CSMD1: variants seen among roughly 807,000 people sequenced by gnomAD.
CSMD1 encodes the protein CUB and Sushi multiple domains 1.
A neutral mutation model predicts 417.5 loss-of-function variants in CSMD1; 213 were observed. The observed-to-expected ratio is 0.51, with a 90% confidence interval of 0.46 to 0.57. The LOEUF is 0.57. CSMD1 is among the 20% of genes least tolerant of loss of function. The pLI is 0.00. For missense variants in CSMD1, 6,923 were observed against 4,529.7 expected (o/e 1.53, Z -15.17); for synonymous variants, 2,862 against 1,736.8 (o/e 1.65, Z -16.11).
chr8:3,913,894 T>C (rs1335819540), intron 5 of CSMD1, among the ~76,000 whole-genome samples: 1 of 152,214 alleles, frequency 6.6e-6, no homozygotes, highest in Admixed American at 6.5e-5. Context: ...CGACTGTTTT[T>C]TGTCCAGCTG....
intron 3 of CSMD1, among the ~76,000 whole-genome samples, chr8:4,387,094 T>C (rs1214612520): frequency 1.3e-5 from 2 of 152,144 alleles, no homozygotes; most frequent in Non-Finnish European, 2.9e-5. Flanking sequence ...AGCCAATTAA[T>C]AGAGTTAGGA....
chr8:3,931,077 G>T (rs2930336), intron 5 of CSMD1, among the ~76,000 whole-genome samples: 56,538 of 149,964 alleles, frequency 0.38, 12,962 homozygotes, highest in Admixed American at 0.45. Context: ...TTTTAAAAAT[G>T]TGACATCTTT....
At chr8:3,412,834 G>A (rs940109158) in intron 12 of CSMD1, among the ~76,000 whole-genome samples, 18 of 152,246 alleles carry the variant, frequency 1.2e-4, no homozygotes, top group African/African-American at 4.1e-4. Flanking sequence ...TGCCTTGAAT[G>A]AGCGTCTGTC....
intron 1 of CSMD1, among the ~76,000 whole-genome samples, chr8:4,944,883 T>C (rs1437695849): frequency 1.3e-5 from 2 of 152,066 alleles, no homozygotes; most frequent in African/African-American, 2.4e-5. Context: ...TGCCATATAA[T>C]AGAGGAATCC....
intron 12 of CSMD1, among the ~76,000 whole-genome samples, chr8:3,464,399 T>G (rs931280807): frequency 3.9e-5 from 6 of 152,232 alleles, no homozygotes; most frequent in Admixed American, 3.3e-4. Flanking sequence ...CAACTTTCAA[T>G]TGAGCATAGG....
At chr8:3,925,934 C>T (rs758508457) in intron 5 of CSMD1, among the ~76,000 whole-genome samples, 1 of 151,442 alleles carries the variant, frequency 6.6e-6, no homozygotes, top group South Asian at 2.1e-4. Flanking sequence ...GGTACAGCAG[C>T]CAAGCAGTAA....
chr8:4,767,433 C>A (rs1319606431), intron 1 of CSMD1, among the ~76,000 whole-genome samples: 1 of 152,138 alleles, frequency 6.6e-6, no homozygotes, highest in Non-Finnish European at 1.5e-5. Context: ...AAAACATCAT[C>A]CTGACCAATC....
chr8:3,051,281 A>T (rs1371050561), intron 50 of CSMD1, among the ~76,000 whole-genome samples: 1 of 152,252 alleles, frequency 6.6e-6, no homozygotes, highest in African/African-American at 2.4e-5. Context: ...AAACAGTGAG[A>T]TCATGTCCTT....
intron 8 of CSMD1, among the ~76,000 whole-genome samples, chr8:3,590,295 G>A (rs1308710609): frequency 6.6e-6 from 1 of 151,952 alleles, no homozygotes; most frequent in Non-Finnish European, 1.5e-5. Flanking sequence ...ATTTTTTCCT[G>A]ATTCTATTAC....
intron 2 of CSMD1, among the ~76,000 whole-genome samples, chr8:4,459,955 C>T (rs1799709965): frequency 6.6e-6 from 1 of 152,038 alleles, no homozygotes; most frequent in Non-Finnish European, 1.5e-5. Context: ...CATAGAGGAA[C>T]AGAACAATCT....
rs760381125 is a variant in CSMD1 at position 3,359,351 on chromosome 8, C to T, written c.3116-11G>A. 6.2e-6 allele frequency: 10 copies of T among 1,606,616 alleles called. No homozygotes were observed. The East Asian group carries it at 1.3e-4, about 22-fold the overall frequency. The stretch of plus-strand genomic sequence containing the variant: ...GCTCCAGGTCATATTCTGAGGCATG[C>T]AGAGACAGAGTAAATGCATGAGGAT... On this transcript the variant is annotated splice_polypyrimidine_tract_variant and intron_variant, in intron 20 of 69. Transcript: ENST00000635120.
intron 7 of CSMD1, among the ~76,000 whole-genome samples, chr8:3,698,046 T>A (rs1274834479): frequency 6.6e-6 from 1 of 152,142 alleles, no homozygotes; most frequent in Non-Finnish European, 1.5e-5. Context: ...ATAGATCCTT[T>A]TTTTCTGTTT....
chr8:3,900,225 T>G (rs1807643046), intron 5 of CSMD1, among the ~76,000 whole-genome samples: 1 of 150,864 alleles, frequency 6.6e-6, no homozygotes, highest in South Asian at 2.1e-4. Context: ...TGGGTGACAG[T>G]GTTAACAGTG....
intron 5 of CSMD1, among the ~76,000 whole-genome samples, chr8:3,921,771 T>A (rs543268197): frequency 6.6e-6 from 1 of 152,174 alleles, no homozygotes; most frequent in Non-Finnish European, 1.5e-5. Context: ...GCAATCTTCT[T>A]TGATTTGTTA....
intron 1 of CSMD1, among the ~76,000 whole-genome samples, chr8:4,750,082 C>G (rs13248878): frequency 3.9e-5 from 6 of 151,900 alleles, no homozygotes; most frequent in East Asian, 3.9e-4. Context: ...CTCGGCTCAC[C>G]GCAAGCTCCG....
At chr8:4,763,514 G>A (rs914020459) in intron 1 of CSMD1, among the ~76,000 whole-genome samples, 1 of 152,072 alleles carries the variant, frequency 6.6e-6, no homozygotes, top group African/African-American at 2.4e-5. Context: ...TTCTTATAAT[G>A]TATCAACCAT....
chr8:4,384,053 G>A (rs1416332566), intron 3 of CSMD1, among the ~76,000 whole-genome samples: 1 of 42,896 alleles, frequency 2.3e-5, no homozygotes, highest in Non-Finnish European at 4.7e-5. Context: ...CTTGTTCAGT[G>A]TTGTTTTTTT....
intron 22 of CSMD1, 147 bp from the exon 23 acceptor site, chr8:3,343,597 T>G (rs1389574325): frequency 1.5e-6 from 1 of 676,150 alleles, no homozygotes; most frequent in Non-Finnish European, 2.4e-6. Flanking sequence ...AATGAAGGAC[T>G]TAGAGCTAAA....
At chr8:4,605,676 T>C (rs1353362462) in intron 2 of CSMD1, among the ~76,000 whole-genome samples, 1 of 152,228 alleles carries the variant, frequency 6.6e-6, no homozygotes, top group Non-Finnish European at 1.5e-5. Flanking sequence ...TAACATATAC[T>C]TATACTTCTG....
Sources: gnomAD v4.1 joint callset for allele counts (sites outside exome capture counted in the v4.1 genomes callset) on GRCh38, gnomAD v4.1.1 for gene constraint, MANE v1.5 for transcripts, NCBI Gene and HGNC (gene_info 2026-07-23, HGNC 2026-07-21) for gene names.